Variants in TEX9 observed in about 807,000 individuals in gnomAD.
TEX9 encodes the protein testis expressed 9, also known as testis-expressed protein 9.
In TEX9, 74 loss-of-function variants were observed where a neutral mutation model predicts 59.6. That is an observed-to-expected ratio of 1.24 (90% CI 1.03 to 1.51). The LOEUF is 1.51. Ranked by LOEUF, TEX9 falls within the 40% of genes most tolerant of loss-of-function variation. The pLI is 0.00. For missense variants in TEX9, 522 were observed against 447.8 expected (o/e 1.17, Z -1.49); for synonymous variants, 186 against 152.2 (o/e 1.22, Z -1.64).
intron 1 of TEX9, among the ~76,000 whole-genome samples, chr15:56,285,804 A>C (rs1232873415): frequency 6.6e-6 from 1 of 152,230 alleles, no homozygotes; most frequent in African/African-American, 2.4e-5. Flanking sequence ...GCAACATAAA[A>C]AATTATAGGT....
intron 1 of TEX9, among the ~76,000 whole-genome samples, chr15:56,347,035 G>A (rs2141857457): frequency 6.6e-6 from 1 of 152,216 alleles, no homozygotes; most frequent in Admixed American, 6.5e-5. Flanking sequence ...ATATGCGTAG[G>A]ACTTGTATGG....
chr15:56,315,646 G>C lies in TEX9; in HGVS notation c.-106-57795G>C, dbSNP rs1237822114. ...TATGTGTCTTGGAGTTGCTCTTCTC[G>C]AGGAGTATCTTTGTGGCGTTCTCTG... On this transcript the variant is annotated intron_variant, in intron 1 of 5. Coordinates refer to the TEX9 transcript ENST00000560827. Among the ~76,000 whole-genome samples, 70 of 145,280 alleles carry C rather than the reference G, an allele frequency of 4.8e-4. 1 individual carries two copies. Among genetic ancestry groups the C allele is most frequent in the Admixed American group, 1.3e-3 (18 of 14,106 alleles).
At chr15:56,347,136 A>T (rs1457539721) in intron 1 of TEX9, among the ~76,000 whole-genome samples, 1 of 152,166 alleles carries the variant, frequency 6.6e-6, no homozygotes. Context: ...AAATCAACAT[A>T]ATAAAGACAA....
intron 9 of TEX9, among the ~76,000 whole-genome samples, chr15:56,409,613 G>A (rs2049250396): frequency 6.6e-6 from 1 of 152,074 alleles, no homozygotes; most frequent in South Asian, 2.1e-4. Context: ...CAATCCTTCT[G>A]CCTCAGCCTT....
chr15:56,393,940 A>T, intron 7 of TEX9: 1 of 343,536 alleles, frequency 2.9e-6, no homozygotes, highest in Non-Finnish European at 5.3e-6. Flanking sequence ...TTTAGTCTGC[A>T]AACTTATGTG....
chr15:56,337,432 A>T (rs1294017591), intron 1 of TEX9, among the ~76,000 whole-genome samples: 3 of 152,182 alleles, frequency 2.0e-5, no homozygotes, highest in Non-Finnish European at 2.9e-5. Context: ...AAGCTGTTGG[A>T]ACTTTATTTT....
At chr15:56,315,053 T>A (rs561888954) in intron 1 of TEX9, among the ~76,000 whole-genome samples, 81 of 151,408 alleles carry the variant, frequency 5.3e-4, no homozygotes, top group African/African-American at 1.8e-3. Flanking sequence ...TCTCTGCATG[T>A]GAGATGGGTT....
downstream of TEX9, among the ~76,000 whole-genome samples, chr15:56,449,949 A>G (rs1369382267): frequency 6.6e-6 from 1 of 152,166 alleles, no homozygotes; most frequent in African/African-American, 2.4e-5. Context: ...TTACTCTGTC[A>G]TCCCTACCAA....
rs553986241 is a variant in TEX9, at chr15:56,317,978, A to G, written c.-106-55463A>G. Among the ~76,000 whole-genome samples, 226 of 152,290 alleles carry G rather than the reference A, an allele frequency of 1.5e-3. 1 individual carries two copies. The highest frequency in any genetic ancestry group is 0.01 in the Middle Eastern group (3 of 294). On this transcript the variant is annotated intron_variant, in intron 1 of 5. Transcript: ENST00000560827. ...TATCACTGTTTGAGGTGGAATGTTC[A>G]TAGATGTCTATTAGGTCTAGTTGGT...
intron 10 of TEX9, among the ~76,000 whole-genome samples, chr15:56,422,549 T>C (rs992276115): frequency 6.6e-6 from 1 of 151,050 alleles, no homozygotes; most frequent in African/African-American, 2.5e-5. Flanking sequence ...ATTTTATGAA[T>C]AATTTAAGAG....
chr15:56,353,950 A>G (rs567669548), intron 1 of TEX9, among the ~76,000 whole-genome samples: 10 of 152,256 alleles, frequency 6.6e-5, no homozygotes, highest in African/African-American at 1.7e-4. Flanking sequence ...CTATTGCTCA[A>G]TCTTTCCATT....
At chr15:56,342,472 CA>C (rs367645573) in intron 1 of TEX9, among the ~76,000 whole-genome samples, 1 of 148,720 alleles carries the variant, frequency 6.7e-6, no homozygotes, top group Non-Finnish European at 1.5e-5. Context: ...TGTGTGTGGT[CA>C]AAAAAAAAGA....
intron 1 of TEX9, among the ~76,000 whole-genome samples, chr15:56,316,982 T>G (rs1178522132): frequency 6.6e-6 from 1 of 152,220 alleles, no homozygotes; most frequent in African/African-American, 2.4e-5. Context: ...GCTTCCCAAG[T>G]GAGGCAATGC....
intron 4 of TEX9, among the ~76,000 whole-genome samples, chr15:56,384,238 A>G (rs1301358967): frequency 6.6e-6 from 1 of 152,188 alleles, no homozygotes; most frequent in Non-Finnish European, 1.5e-5. Flanking sequence ...TCTTGTCCTC[A>G]TTTTTAAAAC....
At chr15:56,259,317 A>G (rs1306976894) in intron 1 of TEX9, among the ~76,000 whole-genome samples, 3 of 152,110 alleles carry the variant, frequency 2.0e-5, no homozygotes, top group Non-Finnish European at 4.4e-5. Context: ...TGACCTACAA[A>G]GCTGAAAATA....
chr15:56,319,990 A>C (rs1415883339), intron 1 of TEX9, among the ~76,000 whole-genome samples: 1 of 152,186 alleles, frequency 6.6e-6, no homozygotes, highest in Non-Finnish European at 1.5e-5. Flanking sequence ...AACAGAGACA[A>C]AACTCTTTCC....
intron 1 of TEX9, among the ~76,000 whole-genome samples, chr15:56,254,481 C>G (rs1432121215): frequency 6.6e-6 from 1 of 151,554 alleles, no homozygotes; most frequent in Non-Finnish European, 1.5e-5. Context: ...AGAAGAGTAG[C>G]AGTGGACCCC....
intron 12 of TEX9, among the ~76,000 whole-genome samples, chr15:56,440,386 C>G (rs1204124807): frequency 6.6e-6 from 1 of 152,184 alleles, no homozygotes; most frequent in Non-Finnish European, 1.5e-5. Context: ...AATGCTACAG[C>G]TGTTCTGGAA....
chr15:56,300,273 T>C (rs577329195), intron 1 of TEX9, among the ~76,000 whole-genome samples: 94 of 151,442 alleles, frequency 6.2e-4, no homozygotes, highest in Middle Eastern at 3.5e-3. Context: ...GAGAGGCTCC[T>C]TCTACTTGAG....
Sources: gnomAD v4.1 joint callset for allele counts (sites outside exome capture counted in the v4.1 genomes callset) on GRCh38, gnomAD v4.1.1 for gene constraint, MANE v1.5 for transcripts, NCBI Gene and HGNC (gene_info 2026-07-23, HGNC 2026-07-21) for gene names.